DDAH1: variants seen among roughly 807,000 people sequenced by gnomAD.
DDAH1 encodes the protein N(G),N(G)-dimethylarginine dimethylaminohydrolase 1.
A neutral mutation model predicts 28.8 loss-of-function variants in DDAH1; 19 were observed. The ratio of observed to expected loss-of-function variants is 0.66; its 90% CI spans 0.46 to 0.97. DDAH1 has a LOEUF of 0.97. DDAH1 is among the 50% of genes least tolerant of loss of function. The pLI is 0.00. For synonymous variants in DDAH1, 153 were observed against 154.4 expected (o/e 0.99, Z 0.07); for missense variants, 326 against 375.9 (o/e 0.87, Z 1.10).
intron 1 of DDAH1, among the ~76,000 whole-genome samples, chr1:85,567,256 C>T (rs1570681609): frequency 6.6e-6 from 1 of 152,306 alleles, no homozygotes; most frequent in East Asian, 1.9e-4. Flanking sequence ...AATTAACCAT[C>T]AATGATATGG....
rs545537706 is a variant in DDAH1, at chr1:85,427,544, C to T, written c.303+37199G>A. Among the ~76,000 whole-genome samples the T allele has an allele frequency of 5.3e-5, 8 of 152,256 alleles. No individual in the cohort carries two copies. In the East Asian group the frequency reaches 1.4e-3, roughly 26 times the overall value. On this transcript the variant is annotated intron_variant, in intron 1 of 5. Coordinates refer to ENST00000284031, the MANE Select transcript of DDAH1 (RefSeq NM_012137.4). ...TTATCTAGAAATAGCAAGTACAAAA[C>T]GCTTGTGTCTTGCCAGTCTATGCAG...
intron 1 of DDAH1, among the ~76,000 whole-genome samples, chr1:85,442,656 G>A (rs367996497): frequency 6.6e-6 from 1 of 152,186 alleles, no homozygotes; most frequent in African/African-American, 2.4e-5. Flanking sequence ...CAGTGTAAAA[G>A]TGTTCCTATT....
Position 85,324,755 on chromosome 1 carries a change from A to C in DDAH1, c.726T>G (p.Tyr242Ter). 1 of 1,614,086 alleles carries C rather than the reference A, an allele frequency of 6.2e-7. No individual in the cohort carries two copies. The highest frequency in any genetic ancestry group is 8.5e-7 in the Non-Finnish European group (1 of 1,180,010). Residue 242 changes from tyrosine (Y) to a stop codon, truncating the protein, a stop_gained, in exon 5 of 6, where the codon TAT (tyrosine) becomes TAG (stop). Coordinates refer to ENST00000284031, the MANE Select transcript of DDAH1 (RefSeq NM_012137.4). LOFTEE classifies it high-confidence loss of function. ...ATTTTTTTACCTTTGCACTTTCTGGATACTCTTCCGGGGTTCGGTGCAGCA... is the reference window on the plus strand; with the variant it reads ...ATTTTTTTACCTTTGCACTTTCTGGCTACTCTTCCGGGGTTCGGTGCAGCA... ...HVLLHRTPEE[Y>*]PESAKVYEKL... is the part of the protein sequence containing the mutation.
chr1:85,383,573 T>A (rs188730301), intron 1 of DDAH1, among the ~76,000 whole-genome samples: 8 of 152,336 alleles, frequency 5.3e-5, no homozygotes, highest in African/African-American at 1.9e-4. Context: ...GACTACAATC[T>A]TGAAAGAAGA....
chr1:85,524,475 A>C (rs1282875787), intron 1 of DDAH1, among the ~76,000 whole-genome samples: 2 of 151,490 alleles, frequency 1.3e-5, no homozygotes, highest in Non-Finnish European at 2.9e-5. Context: ...AGCCTATCTT[A>C]AAGGAAATAC....
Position 85,337,652 on chromosome 1 carries a change from C to T in DDAH1, c.597+12763G>A, listed in dbSNP as rs539110261. ...TATTTTTAGTAAAGATGGGGTTTCACCATATTGGCCAGGCTGGTCTCAAAC... is the reference window on the plus strand; with the variant it reads ...TATTTTTAGTAAAGATGGGGTTTCATCATATTGGCCAGGCTGGTCTCAAAC... On this transcript the variant is annotated intron_variant, in intron 4 of 5. Transcript: ENST00000284031. Among the ~76,000 whole-genome samples the T allele has an allele frequency of 1.4e-4, 21 of 152,270 alleles. 1 individual carries two copies. In the East Asian group the frequency reaches 4.1e-3, roughly 29 times the overall value.
intron 1 of DDAH1, among the ~76,000 whole-genome samples, chr1:85,552,635 G>T (rs1658830538): frequency 2.0e-5 from 3 of 152,122 alleles, no homozygotes; most frequent in Non-Finnish European, 2.9e-5. Flanking sequence ...TCTTTTAGAT[G>T]ATCTGTGGGA....
chr1:85,428,523 G>A (rs1225322127), intron 1 of DDAH1, among the ~76,000 whole-genome samples: 2 of 152,102 alleles, frequency 1.3e-5, no homozygotes, highest in Non-Finnish European at 1.5e-5. Flanking sequence ...GGAATTATGG[G>A]AGCTACAAAT....
At chr1:85,441,587 A>G (rs1654199179) in intron 1 of DDAH1, among the ~76,000 whole-genome samples, 1 of 152,052 alleles carries the variant, frequency 6.6e-6, no homozygotes, top group East Asian at 1.9e-4. Context: ...GGCAGACTAC[A>G]CAAGGATTGA....
intron 1 of DDAH1, among the ~76,000 whole-genome samples, chr1:85,403,360 A>C (rs931251829): frequency 2.0e-5 from 3 of 152,130 alleles, no homozygotes; most frequent in African/African-American, 7.2e-5. Context: ...GAAAAGAATA[A>C]TTCAAAACGT....
At chr1:85,377,809 TA>T (rs1316989657) in intron 1 of DDAH1, among the ~76,000 whole-genome samples, 3 of 151,460 alleles carry the variant, frequency 2.0e-5, no homozygotes, top group African/African-American at 7.3e-5. Context: ...ACTAAATTGA[TA>T]ACCTCTCTTC....
chr1:85,516,116 C>T (rs371766248), intron 1 of DDAH1, among the ~76,000 whole-genome samples: 2,018 of 151,510 alleles, frequency 0.013, 43 homozygotes, highest in African/African-American at 0.044. Context: ...TCTACCTTAA[C>T]GACCTCCTTA....
chr1:85,433,873 T>C (rs532096555), intron 1 of DDAH1, among the ~76,000 whole-genome samples: 15 of 152,318 alleles, frequency 9.8e-5, no homozygotes, highest in African/African-American at 3.4e-4. Context: ...AATCTACATA[T>C]GTTAAATGTT....
intron 1 of DDAH1, among the ~76,000 whole-genome samples, chr1:85,420,054 G>A (rs990105960): frequency 5.3e-5 from 8 of 152,024 alleles, no homozygotes; most frequent in African/African-American, 1.7e-4. Flanking sequence ...GCTGCGGTTC[G>A]ACCTGGGCTC....
intron 4 of DDAH1, among the ~76,000 whole-genome samples, chr1:85,342,895 G>A (rs1648592307): frequency 6.6e-6 from 1 of 152,166 alleles, no homozygotes; most frequent in Non-Finnish European, 1.5e-5. Context: ...AGAATTTTCT[G>A]AGATAAACCC....
chr1:85,564,831 T>TGTG (rs1659247870), intron 1 of DDAH1, among the ~76,000 whole-genome samples: 1 of 148,200 alleles, frequency 6.7e-6, no homozygotes, highest in Non-Finnish European at 1.5e-5. Context: ...GCCACTGCAC[T>TGTG]CCACCCTGGG....
At chr1:85,527,465 A>T (rs1328668638) in intron 1 of DDAH1, among the ~76,000 whole-genome samples, 1 of 152,312 alleles carries the variant, frequency 6.6e-6, no homozygotes, top group East Asian at 1.9e-4. Flanking sequence ...CATGATGAAG[A>T]ATGGGAAAAG....
chr1:85,514,527 T>TA (rs34215001), intron 1 of DDAH1, among the ~76,000 whole-genome samples: 93 of 126,768 alleles, frequency 7.3e-4, no homozygotes, highest in African/African-American at 2.5e-3. Flanking sequence ...CTTAAAGCAT[T>TA]AAAAAAAAAA....
At chr1:85,331,504 A>G (rs974118606) in intron 4 of DDAH1, among the ~76,000 whole-genome samples, 2 of 152,038 alleles carry the variant, frequency 1.3e-5, no homozygotes, top group Non-Finnish European at 2.9e-5. Flanking sequence ...ACTATGGTCT[A>G]TTGATACAAT....
Sources: gnomAD v4.1 joint callset for allele counts (sites outside exome capture counted in the v4.1 genomes callset) on GRCh38, gnomAD v4.1.1 for gene constraint, MANE v1.5 for transcripts, NCBI Gene and HGNC (gene_info 2026-07-23, HGNC 2026-07-21) for gene names.